Variants in PPP6R2 observed in about 807,000 individuals in gnomAD.
The protein encoded by PPP6R2 is protein phosphatase 6 regulatory subunit 2, also known as serine/threonine-protein phosphatase 6 regulatory subunit 2.
PPP6R2 carries 62 observed loss-of-function variants against 100.2 expected under a neutral mutation model. The observed-to-expected ratio is 0.62, with a 90% confidence interval of 0.50 to 0.76. The LOEUF (loss-of-function observed/expected upper bound fraction) is 0.76, where lower values mean the gene tolerates loss of function less well. Among genes scored for constraint, PPP6R2 ranks in the 30% least tolerant of loss-of-function variants. The pLI, the probability that PPP6R2 is intolerant of heterozygous loss-of-function variation, is 0.00. For synonymous variants in PPP6R2, 525 were observed against 514.7 expected (o/e 1.02, Z -0.27); for missense variants, 1,142 against 1,276.3 (o/e 0.89, Z 1.60).
chr22:50,400,918 T>A (rs181820381), intron 3 of PPP6R2, among the ~76,000 whole-genome samples: 2 of 152,234 alleles, frequency 1.3e-5, no homozygotes, highest in African/African-American at 4.8e-5. Flanking sequence ...CTGGGACTTC[T>A]AATGAGGTGT....
chr22:50,423,700 C>G lies in PPP6R2; in HGVS notation c.1125+86C>G, dbSNP rs973551800. ...CTTGTCAGGAGCAGCAGAGCAGGGC[C>G]CCAGCATTTGGACAAAGCTCTGCCA... On this transcript the variant is annotated intron_variant, in intron 10 of 23. Coordinates refer to ENST00000612753, the MANE Select transcript of PPP6R2 (RefSeq NM_001242898.2). The surrounding 1 kb of genome is among the most constrained non-coding windows in gnomAD (Gnocchi z 4.8). 6.6e-7 allele frequency: 1 copy of G among 1,519,302 alleles called. No homozygotes were observed. The highest frequency in any genetic ancestry group is 9.0e-7 in the Non-Finnish European group (1 of 1,113,510). The allele number at this position is 1,519,302 out of a possible 1,614,324, so 94.1% of individuals were successfully genotyped here.
In PPP6R2 at chr22:50,443,336, G is replaced by A. The variant is rs747421315; in HGVS notation, c.2580-530G>A. ...GCCCAGCCTGCAGGTGAGCTTCCTC[G>A]CGCCCCCGCCTGACCTGAGTGCCCC... On this transcript the variant is annotated intron_variant, in intron 22 of 23. Coordinates refer to ENST00000612753, the MANE Select transcript of PPP6R2 (RefSeq NM_001242898.2). The A allele has an allele frequency of 1.3e-3, 196 of 152,956 alleles. 2 individuals carry two copies. The highest frequency in any genetic ancestry group is 0.012 in the Admixed American group (191 of 15,390). 9.5% of individuals were successfully genotyped at this position (152,956 alleles called of 1,614,324 possible).
At chr22:50,382,240 C>CTA (rs2053230417) in intron 2 of PPP6R2, among the ~76,000 whole-genome samples, 6 of 152,178 alleles carry the variant, frequency 3.9e-5, no homozygotes, top group Admixed American at 3.9e-4. Flanking sequence ...TGATCCAAAG[C>CTA]TATAATACAG....
intron 3 of PPP6R2, among the ~76,000 whole-genome samples, chr22:50,399,019 G>A (rs1414651642): frequency 7.2e-5 from 11 of 152,130 alleles, no homozygotes; most frequent in South Asian, 6.2e-4. Flanking sequence ...AGGCTGAGGC[G>A]GGCGGATCAT....
rs1176868591 is a variant in PPP6R2 at position 50,439,673 on chromosome 22, C to A, written c.2129-28C>A. On this transcript the variant is annotated intron_variant, in intron 19 of 23. Coordinates refer to ENST00000612753, the MANE Select transcript of PPP6R2 (RefSeq NM_001242898.2). ...CTGCAGCACCCCAGGCCTGCCCACG[C>A]CTGACCACTGTGTCTCTCCCCCAGC... 4 of 1,539,152 alleles carry A rather than the reference C, an allele frequency of 2.6e-6. No homozygotes were observed. The African/African-American group carries it at 5.5e-5, about 21-fold the overall frequency.
At chr22:50,341,527 C>T (rs1477616707), upstream of PPP6R2, among the ~76,000 whole-genome samples, 1 of 152,150 alleles carries the variant, frequency 6.6e-6, no homozygotes, top group Non-Finnish European at 1.5e-5. Context: ...TTAACTGGAC[C>T]CCTCTGGGTG....
At chr22:50,384,534 G>A (rs545395985) in intron 2 of PPP6R2, among the ~76,000 whole-genome samples, 5 of 152,316 alleles carry the variant, frequency 3.3e-5, no homozygotes, top group Non-Finnish European at 5.9e-5. Context: ...CAGTCTGGGC[G>A]ACAGAGCGAG....
intron 2 of PPP6R2, among the ~76,000 whole-genome samples, chr22:50,376,347 G>A (rs543384824): frequency 6.6e-6 from 1 of 152,006 alleles, no homozygotes; most frequent in South Asian, 2.1e-4. Context: ...ATGAAAACAG[G>A]AAAACCAGTA....
chr22:50,357,835 A>T (rs1238197458), intron 1 of PPP6R2, among the ~76,000 whole-genome samples: 1 of 152,270 alleles, frequency 6.6e-6, no homozygotes, highest in South Asian at 2.1e-4. Context: ...TATGTTGGCC[A>T]GGGTGGTCTT....
intron 2 of PPP6R2, among the ~76,000 whole-genome samples, chr22:50,380,986 CAA>C (rs375160457): frequency 9.1e-5 from 8 of 87,844 alleles, no homozygotes; most frequent in Admixed American, 1.3e-4. Flanking sequence ...GACTCCATCT[CAA>C]AAAAAAAAAA....
the PPP6R2 span, among the ~76,000 whole-genome samples, chr22:50,331,310 G>C: frequency 6.6e-6 from 1 of 151,888 alleles, no homozygotes; most frequent in Non-Finnish European, 1.5e-5. Context: ...CATTTTTTTG[G>C]CATAGATATG....
chr22:50,371,212 C>T (rs1041091622), intron 1 of PPP6R2, among the ~76,000 whole-genome samples: 1 of 152,064 alleles, frequency 6.6e-6, no homozygotes, highest in Non-Finnish European at 1.5e-5. Context: ...GTAATATAGC[C>T]AGGCACAGTG....
chr22:50,393,277 T>C, intron 2 of PPP6R2: 1 of 493,346 alleles, frequency 2.0e-6, no homozygotes, highest in Non-Finnish European at 2.6e-6. Context: ...TTCAGCAAGA[T>C]GGGGACGATG....
upstream of PPP6R2, among the ~76,000 whole-genome samples, chr22:50,341,135 C>G (rs1053667737): frequency 2.6e-5 from 4 of 152,088 alleles, no homozygotes; most frequent in Non-Finnish European, 4.4e-5. Context: ...TGGTCTCGAT[C>G]TCCTGACTTC....
the PPP6R2 span, among the ~76,000 whole-genome samples, chr22:50,333,992 G>A: frequency 1.3e-5 from 2 of 152,204 alleles, no homozygotes; most frequent in African/African-American, 4.8e-5. Context: ...GACAGGTAAC[G>A]TCATTATTTC....
At chr22:50,365,735 AT>A (rs1569300228) in intron 1 of PPP6R2, among the ~76,000 whole-genome samples, 1 of 109,320 alleles carries the variant, frequency 9.1e-6, no homozygotes. Context: ...ATTTATTATT[AT>A]TTTTTTAGAG....
chr22:50,338,436 GTA>G (rs1273620954), upstream of PPP6R2, among the ~76,000 whole-genome samples: 1 of 145,210 alleles, frequency 6.9e-6, no homozygotes, highest in Non-Finnish European at 1.5e-5. Context: ...TGTGGTGTGT[GTA>G]GAGTGTGTGG....
rs988827426 is a variant in PPP6R2 at position 50,359,411 on chromosome 22, G to T, written c.-147-12609G>T. Among the ~76,000 whole-genome samples, 11 of 152,114 alleles carry T rather than the reference G, an allele frequency of 7.2e-5. No individual in the cohort carries two copies. In the East Asian group the frequency reaches 1.9e-3, roughly 27 times the overall value. On this transcript the variant is annotated intron_variant, in intron 1 of 23. Transcript: ENST00000612753. ...TTTTTTGTATTTTTAGTAGAGATGGGGTTTGCCGTGTTAGCCAGGATGGTC... is the reference window on the plus strand; with the variant it reads ...TTTTTTGTATTTTTAGTAGAGATGGTGTTTGCCGTGTTAGCCAGGATGGTC...
chr22:50,444,436 C>A lies in PPP6R2; in HGVS notation c.*189C>A. On this transcript the variant is annotated 3_prime_UTR_variant, in exon 24 of 24. Coordinates refer to ENST00000612753, the MANE Select transcript of PPP6R2 (RefSeq NM_001242898.2). ...GTCTCTTCTGCCTGAGTGGGCCTCT[C>A]AGGTCACTCGTGCCCTGCTGGAGGA... 2.7e-6 allele frequency: 2 copies of A among 730,958 alleles called. No individual in the cohort carries two copies. Among genetic ancestry groups the A allele is most frequent in the Non-Finnish European group, 4.3e-6 (2 of 460,364 alleles). 45.3% of individuals were successfully genotyped at this position (730,958 alleles called of 1,614,324 possible). A position where few individuals can be genotyped will look rare whatever the true frequency, so the allele number is the denominator to read the frequency against.
Sources: allele counts gnomAD v4.1 joint callset (sites outside exome capture counted in the v4.1 genomes callset), GRCh38; gene constraint gnomAD v4.1.1; non-coding constraint Gnocchi (gnomAD v3.1); transcripts MANE v1.5; gene names NCBI Gene and HGNC (gene_info 2026-07-23, HGNC 2026-07-21).